The following SEMA3A variants were observed in gnomAD, a reference collection of about 807,000 sequenced individuals.
SEMA3A encodes semaphorin-3A.
A neutral mutation model predicts 97.9 loss-of-function variants in SEMA3A; 29 were observed. The observed-to-expected ratio is 0.30, with a 90% CI of 0.22 to 0.40. The LOEUF is 0.40. SEMA3A is among the 10% of genes least tolerant of loss of function. The pLI is 1.00. For synonymous variants in SEMA3A, 321 were observed against 323.7 expected (o/e 0.99, Z 0.09); for missense variants, 763 against 951.3 (o/e 0.80, Z 2.60).
chr7:83,973,243 G>C (rs568664858), intron 15 of SEMA3A, among the ~76,000 whole-genome samples: 1 of 152,146 alleles, frequency 6.6e-6, no homozygotes, highest in Non-Finnish European at 1.5e-5. Context: ...TTTCTAACCA[G>C]ACATGATTAT....
At chr7:84,475,737 T>TA (rs1399496198) in intron 1 of SEMA3A, among the ~76,000 whole-genome samples, 1 of 152,186 alleles carries the variant, frequency 6.6e-6, no homozygotes, top group Non-Finnish European at 1.5e-5. Flanking sequence ...TGGGTTTACT[T>TA]ACAGAACTCC....
intron 3 of SEMA3A, among the ~76,000 whole-genome samples, chr7:84,211,441 T>A (rs1424317331): frequency 1.5e-4 from 22 of 150,306 alleles, no homozygotes; most frequent in Non-Finnish European, 2.1e-4. Flanking sequence ...TGAAACCCTG[T>A]CTCTACTAAA....
At chr7:84,179,034 A>C (rs1041900625) in intron 1 of SEMA3A, among the ~76,000 whole-genome samples, 2 of 151,964 alleles carry the variant, frequency 1.3e-5, no homozygotes. Context: ...TTCTTGACCC[A>C]CTGTGATATC....
chr7:84,476,593 C>G (rs1217625033), intron 1 of SEMA3A, among the ~76,000 whole-genome samples: 1 of 151,888 alleles, frequency 6.6e-6, no homozygotes, highest in Non-Finnish European at 1.5e-5. Context: ...AAAATTCTAT[C>G]ATTTGTAAAT....
At chr7:84,429,359 T>C (rs567280111) in intron 1 of SEMA3A, among the ~76,000 whole-genome samples, 1 of 151,186 alleles carries the variant, frequency 6.6e-6, no homozygotes, top group African/African-American at 2.4e-5. Context: ...TTTGTAACCA[T>C]AGTGTGAACA....
At chr7:84,157,425 G>A (rs139566240) in intron 1 of SEMA3A, among the ~76,000 whole-genome samples, 33 of 151,744 alleles carry the variant, frequency 2.2e-4, no homozygotes, top group East Asian at 2.1e-3. Flanking sequence ...GAATTCACAC[G>A]CACGGTTTTG....
chr7:84,024,818 T>A (rs1407847041), intron 6 of SEMA3A, among the ~76,000 whole-genome samples: 2 of 152,182 alleles, frequency 1.3e-5, no homozygotes, highest in Admixed American at 6.5e-5. Flanking sequence ...TCAGGTGCGG[T>A]GGCTCATGCC....
intron 1 of SEMA3A, among the ~76,000 whole-genome samples, chr7:84,441,019 G>A (rs760179062): frequency 3.3e-4 from 50 of 152,052 alleles, no homozygotes; most frequent in South Asian, 1.0e-3. Context: ...TTATCCGGGC[G>A]TCGGGGCGCA....
intron 3 of SEMA3A, among the ~76,000 whole-genome samples, chr7:84,268,744 GT>G (rs1800073190): frequency 6.6e-6 from 1 of 152,064 alleles, no homozygotes; most frequent in Admixed American, 6.6e-5. Context: ...ACCTAAATGT[GT>G]TCTGATTTAC....
intron 1 of SEMA3A, among the ~76,000 whole-genome samples, chr7:84,437,187 CA>C (rs1805154950): frequency 6.6e-6 from 1 of 151,822 alleles, no homozygotes; most frequent in Non-Finnish European, 1.5e-5. Context: ...TATGGTAATT[CA>C]AAGGAAAGTA....
At chr7:84,473,614 C>T (rs1436300958) in intron 1 of SEMA3A, among the ~76,000 whole-genome samples, 1 of 151,918 alleles carries the variant, frequency 6.6e-6, no homozygotes, top group Non-Finnish European at 1.5e-5. Flanking sequence ...GACTCCAACT[C>T]CTGACCTCTA....
chr7:84,381,233 G>A (rs956439627), intron 1 of SEMA3A, among the ~76,000 whole-genome samples: 1 of 152,152 alleles, frequency 6.6e-6, no homozygotes, highest in Non-Finnish European at 1.5e-5. Flanking sequence ...AATGGTCATG[G>A]TGGGGAGAAA....
chr7:84,165,381 A>C (rs1197735439), intron 1 of SEMA3A, among the ~76,000 whole-genome samples: 2 of 152,154 alleles, frequency 1.3e-5, no homozygotes, highest in Non-Finnish European at 2.9e-5. Flanking sequence ...CATTATAACT[A>C]TGTAATTATA....
At chr7:84,062,692 G>A (rs1006581304) in intron 4 of SEMA3A, among the ~76,000 whole-genome samples, 6 of 152,190 alleles carry the variant, frequency 3.9e-5, no homozygotes, top group Admixed American at 1.3e-4. Context: ...ACTCCCACCC[G>A]AATACTGCGC....
intron 3 of SEMA3A, among the ~76,000 whole-genome samples, chr7:84,286,619 C>A (rs1278587579): frequency 6.6e-6 from 1 of 152,014 alleles, no homozygotes; most frequent in Non-Finnish European, 1.5e-5. Context: ...CAGAATGGCT[C>A]TTTAAAGATA....
At chr7:84,337,730 G>C (rs1345833581) in intron 2 of SEMA3A, among the ~76,000 whole-genome samples, 1 of 152,096 alleles carries the variant, frequency 6.6e-6, no homozygotes, top group Non-Finnish European at 1.5e-5. Flanking sequence ...TAAATGCTTT[G>C]TGCAGCTGGG....
At chr7:84,150,947 G>A (rs543120801) in intron 1 of SEMA3A, among the ~76,000 whole-genome samples, 19 of 150,514 alleles carry the variant, frequency 1.3e-4, no homozygotes, top group Non-Finnish European at 2.2e-4. Flanking sequence ...CCCCTGAGCA[G>A]CCTAACTGGG....
At chr7:84,005,908 C>G (rs1790648339) in intron 10 of SEMA3A, among the ~76,000 whole-genome samples, 1 of 152,112 alleles carries the variant, frequency 6.6e-6, no homozygotes, top group Non-Finnish European at 1.5e-5. Context: ...GAGATCATGC[C>G]ACTGCACTGT....
chr7:84,435,918 C>T (rs1805115091), intron 1 of SEMA3A, among the ~76,000 whole-genome samples: 1 of 152,058 alleles, frequency 6.6e-6, no homozygotes, highest in Non-Finnish European at 1.5e-5. Flanking sequence ...TCACATTACC[C>T]TACTTTAAAC....
Sources: allele counts gnomAD v4.1 joint callset (sites outside exome capture counted in the v4.1 genomes callset), GRCh38; gene constraint gnomAD v4.1.1; transcripts MANE v1.5; gene names NCBI Gene and HGNC (gene_info 2026-07-23, HGNC 2026-07-21).